Variants in CNKSR2 observed in about 807,000 individuals in gnomAD.
The protein encoded by CNKSR2 is CNK homolog protein 2.
CNKSR2 carries 14 observed loss-of-function variants against 84.4 expected under a neutral mutation model. The observed-to-expected ratio is 0.17, with a 90% CI of 0.11 to 0.26. The LOEUF is 0.26. Among genes scored for constraint, CNKSR2 ranks in the 10% least tolerant of loss-of-function variants. The pLI is 1.00. For synonymous variants in CNKSR2, 275 were observed against 277.9 expected (o/e 0.99, Z 0.10); for missense variants, 485 against 771.2 (o/e 0.63, Z 4.40).
chrX:21,573,789 G>A (rs1454787748), intron 13 of CNKSR2, among the ~76,000 whole-genome samples: 1 of 111,611 alleles, frequency 9.0e-6, no homozygotes, highest in Non-Finnish European at 1.9e-5. Flanking sequence ...CTGCCATTAA[G>A]GTCTCTGACA....
intron 4 of CNKSR2, among the ~76,000 whole-genome samples, chrX:21,466,046 G>A (rs2091123115): frequency 8.9e-6 from 1 of 111,854 alleles, no homozygotes; most frequent in African/African-American, 3.2e-5. Flanking sequence ...TTTGGCTCAT[G>A]TAAATGCATC....
intron 13 of CNKSR2, among the ~76,000 whole-genome samples, chrX:21,566,776 T>G (rs2092242770): frequency 1.8e-5 from 2 of 111,150 alleles, no homozygotes; most frequent in African/African-American, 6.5e-5. Context: ...ACACCTAGAG[T>G]ATAGTCTTCA....
chrX:21,483,455 C>T (rs1440293352), intron 5 of CNKSR2, among the ~76,000 whole-genome samples: 8 of 107,714 alleles, frequency 7.4e-5, no homozygotes, highest in Non-Finnish European at 1.2e-4. Context: ...GTTGGGGGAG[C>T]GGGGAGGGAT....
At chrX:21,607,120 A>C (rs956452370) in intron 19 of CNKSR2, among the ~76,000 whole-genome samples, 2 of 111,968 alleles carry the variant, frequency 1.8e-5, no homozygotes, top group Non-Finnish European at 3.8e-5. Context: ...TATTAACAAA[A>C]TATACTGTTT....
intron 11 of CNKSR2, among the ~76,000 whole-genome samples, chrX:21,556,592 C>T (rs1301807333): frequency 9.0e-6 from 1 of 110,526 alleles, no homozygotes; most frequent in East Asian, 2.8e-4. Flanking sequence ...GAGTAGTACT[C>T]GGTGCTAATG....
At chrX:21,557,233 G>A (rs1035283130) in intron 11 of CNKSR2, among the ~76,000 whole-genome samples, 1 of 110,662 alleles carries the variant, frequency 9.0e-6, no homozygotes, top group Non-Finnish European at 1.9e-5. Context: ...TAGCAATTTT[G>A]TATTAAAATA....
intron 8 of CNKSR2, among the ~76,000 whole-genome samples, chrX:21,509,197 G>A (rs1394880625): frequency 8.9e-6 from 1 of 111,890 alleles, no homozygotes; most frequent in African/African-American, 3.2e-5. Context: ...CAGATTGTTA[G>A]CAGCTCAACA....
chrX:21,513,501 C>T (rs2091696609), intron 8 of CNKSR2, among the ~76,000 whole-genome samples: 2 of 111,905 alleles, frequency 1.8e-5, no homozygotes, highest in African/African-American at 6.5e-5. Flanking sequence ...ATCTATTTCA[C>T]AAGTCAGCCA....
chrX:21,375,039 G>A (rs2089787667), intron 1 of CNKSR2, 78 bp downstream of exon 1: 62 of 860,712 alleles, frequency 7.2e-5, no homozygotes, highest in Non-Finnish European at 1.0e-4. Context: ...GGCGCCCGCC[G>A]CGCCAGAGCC....
intron 1 of CNKSR2, chrX:21,425,338 G>A (rs1289747686): frequency 9.0e-6 from 1 of 111,531 alleles, no homozygotes; most frequent in Non-Finnish European, 1.9e-5. Flanking sequence ...AAAGAAGATT[G>A]TATAGGGAGG....
intron 5 of CNKSR2, among the ~76,000 whole-genome samples, chrX:21,473,055 C>A (rs2091217990): frequency 9.0e-6 from 1 of 111,193 alleles, no homozygotes; most frequent in South Asian, 3.7e-4. Flanking sequence ...TTGACTTTAT[C>A]TTTCTCAAAA....
At chrX:21,500,377 T>G (rs1272919402) in intron 7 of CNKSR2, among the ~76,000 whole-genome samples, 1 of 111,301 alleles carries the variant, frequency 9.0e-6, no homozygotes, top group Non-Finnish European at 1.9e-5. Context: ...TTAAAGTATG[T>G]CCTACTCCAG....
intron 20 of CNKSR2, chrX:21,645,458 G>T (rs1307345428): frequency 1.8e-5 from 2 of 112,234 alleles, no homozygotes; most frequent in African/African-American, 6.5e-5. Context: ...ATTAGATACA[G>T]ATTAAAATTT....
At chrX:21,504,796 T>C (rs2091596024) in intron 8 of CNKSR2, 1 of 296,264 alleles carries the variant, frequency 3.4e-6, no homozygotes, top group Non-Finnish European at 5.9e-6. Context: ...AAGTGGCTTT[T>C]AAGTTTTTCA....
chrX:21,519,335 C>A (rs2091759620), intron 9 of CNKSR2, among the ~76,000 whole-genome samples: 1 of 111,261 alleles, frequency 9.0e-6, no homozygotes, highest in Non-Finnish European at 1.9e-5. Context: ...TGAAGGTACA[C>A]TGCCTCCAGA....
chrX:21,579,199 A>G (rs1164712849), intron 13 of CNKSR2, among the ~76,000 whole-genome samples: 1 of 112,169 alleles, frequency 8.9e-6, no homozygotes, highest in Non-Finnish European at 1.9e-5. Flanking sequence ...AAATTTACGT[A>G]GTGGCCAACC....
chrX:21,493,607 A>G (rs749988080), intron 6 of CNKSR2: 2 of 111,933 alleles, frequency 1.8e-5, no homozygotes, highest in African/African-American at 3.2e-5. Flanking sequence ...GGAAAGCCAT[A>G]TTTGTCACGG....
At chrX:21,586,862 G>A (rs748687589) in intron 13 of CNKSR2, among the ~76,000 whole-genome samples, 11 of 111,740 alleles carry the variant, frequency 9.8e-5, no homozygotes, top group East Asian at 2.8e-4. Flanking sequence ...AAAAGGCATC[G>A]CAGAAATATG....
intron 1 of CNKSR2, among the ~76,000 whole-genome samples, chrX:21,409,027 T>C (rs2090302675): frequency 9.3e-6 from 1 of 107,056 alleles, no homozygotes; most frequent in African/African-American, 3.4e-5. Flanking sequence ...GTTATGGAGA[T>C]TAATTTGTGA....
Sources: allele counts gnomAD v4.1 joint callset (sites outside exome capture counted in the v4.1 genomes callset), GRCh38; gene constraint gnomAD v4.1.1; transcripts MANE v1.5; gene names NCBI Gene and HGNC (gene_info 2026-07-23, HGNC 2026-07-21).